Variants in SLC25A26 observed in about 807,000 individuals in gnomAD.
SLC25A26 encodes the protein mitochondrial S-adenosylmethionine carrier protein.
Under a neutral mutation model 37.8 loss-of-function variants are expected in SLC25A26, and 36 were observed. That is an observed-to-expected ratio of 0.95 (90% CI 0.73 to 1.26). SLC25A26 has a LOEUF of 1.26. Ranked by LOEUF, SLC25A26 falls within the 50% of genes most tolerant of loss-of-function variation. The pLI is 0.00. For missense variants in SLC25A26, 390 were observed against 331.1 expected (o/e 1.18, Z -1.38); for synonymous variants, 129 against 122.5 (o/e 1.05, Z -0.35).
chr3:66,166,151 C>T (rs1173587340), intron 1 of SLC25A26, among the ~76,000 whole-genome samples: 1 of 152,158 alleles, frequency 6.6e-6, no homozygotes, highest in East Asian at 1.9e-4. Flanking sequence ...GAAGGTCAGT[C>T]CTATCTATCA....
intron 6 of SLC25A26, among the ~76,000 whole-genome samples, chr3:66,347,216 C>T (rs1482572282): frequency 6.6e-6 from 1 of 152,054 alleles, no homozygotes; most frequent in South Asian, 2.1e-4. Context: ...ATTTTTGCAA[C>T]CTATTCATCT....
chr3:66,155,172 C>T (rs2070264180), intron 1 of SLC25A26, among the ~76,000 whole-genome samples: 1 of 152,158 alleles, frequency 6.6e-6, no homozygotes, highest in African/African-American at 2.4e-5. Context: ...CCTTTTAGCC[C>T]AGAGACCAGC....
intron 5 of SLC25A26, among the ~76,000 whole-genome samples, chr3:66,322,186 T>G (rs9883315): frequency 0.023 from 3,503 of 152,250 alleles, 150 homozygotes; most frequent in African/African-American, 0.08. Flanking sequence ...TGTTTTTGTT[T>G]TCACATTTAG....
At chr3:66,208,870 G>GTATA (rs1553655942) in intron 1 of SLC25A26, among the ~76,000 whole-genome samples, 11,671 of 55,612 alleles carry the variant, frequency 0.21, 1,097 homozygotes, top group Non-Finnish European at 0.32. Context: ...ATGGGTGTGT[G>GTATA]TATATATATA....
At chr3:66,186,248 C>G (rs1466500228) in intron 1 of SLC25A26, among the ~76,000 whole-genome samples, 4 of 152,024 alleles carry the variant, frequency 2.6e-5, no homozygotes, top group African/African-American at 9.7e-5. Flanking sequence ...TATGAAGACC[C>G]TGACCCTCAA....
intron 5 of SLC25A26, among the ~76,000 whole-genome samples, chr3:66,309,580 C>A (rs560577836): frequency 1.3e-5 from 2 of 152,056 alleles, no homozygotes; most frequent in Non-Finnish European, 2.9e-5. Flanking sequence ...TTCTCTAGTT[C>A]TTTTAATTGT....
Position 66,243,416 on chromosome 3 carries a change from A to G in SLC25A26, c.300+104A>G, listed in dbSNP as rs1024428511. The stretch of plus-strand genomic sequence containing the variant: ...TTTTAAAAATTATTTTTAAATTATG[A>G]AAGTCATAAATGGCAATAAATGTAA... On this transcript the variant is annotated intron_variant, in intron 3 of 9. Transcript: ENST00000354883. The G allele has an allele frequency of 1.0e-5, 6 of 595,490 alleles. No homozygotes were observed. The Admixed American group carries it at 1.5e-4, about 15-fold the overall frequency. The allele number at this position is 595,490 out of a possible 1,614,324, so 36.9% of individuals were successfully genotyped here. A position where few individuals can be genotyped will look rare whatever the true frequency, so the allele number is the denominator to read the frequency against.
chr3:66,229,502 T>A (rs1012076287), intron 1 of SLC25A26, among the ~76,000 whole-genome samples: 1 of 152,116 alleles, frequency 6.6e-6, no homozygotes, highest in Non-Finnish European at 1.5e-5. Flanking sequence ...ATCTGATGGT[T>A]TTATAAGTGT....
chr3:66,353,910 C>A (rs1315142624), intron 6 of SLC25A26, among the ~76,000 whole-genome samples: 1 of 152,200 alleles, frequency 6.6e-6, no homozygotes, highest in East Asian at 1.9e-4. Flanking sequence ...ATGGTTCTGT[C>A]TTTTACACAG....
At chr3:66,254,955 G>T (rs782038744) in intron 3 of SLC25A26, among the ~76,000 whole-genome samples, 1 of 152,182 alleles carries the variant, frequency 6.6e-6, no homozygotes, top group South Asian at 2.1e-4. Context: ...AGAGGACAGG[G>T]TGCAGTTGTA....
intron 1 of SLC25A26, among the ~76,000 whole-genome samples, chr3:66,209,450 T>A (rs900017040): frequency 7.1e-6 from 1 of 140,400 alleles, no homozygotes; most frequent in African/African-American, 2.5e-5. Flanking sequence ...AAGATATATA[T>A]ATAAAGGTGT....
chr3:66,191,256 A>G (rs1470710822), intron 1 of SLC25A26, among the ~76,000 whole-genome samples: 1 of 152,206 alleles, frequency 6.6e-6, no homozygotes, highest in African/African-American at 2.4e-5. Context: ...CTAGCCAGGT[A>G]TGGTAACACA....
chr3:66,239,546 C>T (rs947636787), intron 2 of SLC25A26, among the ~76,000 whole-genome samples: 5 of 152,166 alleles, frequency 3.3e-5, no homozygotes, highest in African/African-American at 9.6e-5. Flanking sequence ...AAAGCCAAAT[C>T]TTTTTCTAAA....
In SLC25A26 at chr3:66,293,465, G is replaced by A. The variant is rs137997401; in HGVS notation, c.453+30086G>A. Among the ~76,000 whole-genome samples the A allele has an allele frequency of 3.4e-3, 502 of 149,414 alleles. 4 individuals are homozygous for A. Among genetic ancestry groups the A allele is most frequent in the South Asian group, 0.02 (95 of 4,746 alleles). The stretch of plus-strand genomic sequence containing the variant: ...TTGTGTCATGGAGGTTTGTTGTACA[G>A]ATTATTTTGCCACCCAGGTACTAAG... On this transcript the variant is annotated intron_variant, in intron 5 of 9. Coordinates refer to ENST00000354883, the MANE Select transcript of SLC25A26 (RefSeq NM_001379210.1).
chr3:66,318,316 G>A (rs375414848), intron 5 of SLC25A26, among the ~76,000 whole-genome samples: 1 of 152,186 alleles, frequency 6.6e-6, no homozygotes, highest in Non-Finnish European at 1.5e-5. Context: ...GGGCTCATGA[G>A]GGGGACCTGC....
At chr3:66,136,903 T>A (rs2069954721) in intron 1 of SLC25A26, among the ~76,000 whole-genome samples, 1 of 152,220 alleles carries the variant, frequency 6.6e-6, no homozygotes, top group Non-Finnish European at 1.5e-5. Flanking sequence ...AGAGAGAGCT[T>A]AACAAAGAGA....
At chr3:66,278,775 C>T (rs998368000) in intron 5 of SLC25A26, among the ~76,000 whole-genome samples, 1 of 152,172 alleles carries the variant, frequency 6.6e-6, no homozygotes, top group African/African-American at 2.4e-5. Context: ...ACCTTGTCCT[C>T]CTTAACCTGC....
chr3:66,258,868 AC>A, intron 3 of SLC25A26, among the ~76,000 whole-genome samples: 1 of 149,568 alleles, frequency 6.7e-6, no homozygotes, highest in South Asian at 2.1e-4. Flanking sequence ...TTAATTATTA[AC>A]AGGATATTTT....
At chr3:66,342,027 A>G (rs557101353) in intron 5 of SLC25A26, among the ~76,000 whole-genome samples, 3 of 152,144 alleles carry the variant, frequency 2.0e-5, no homozygotes, top group Non-Finnish European at 2.9e-5. Flanking sequence ...GGTTCAGAGT[A>G]TTTAAAAGAA....
Sources: allele counts gnomAD v4.1 joint callset (sites outside exome capture counted in the v4.1 genomes callset), GRCh38; gene constraint gnomAD v4.1.1; transcripts MANE v1.5; gene names NCBI Gene and HGNC (gene_info 2026-07-23, HGNC 2026-07-21).